ZNF385D: variants seen among roughly 807,000 people sequenced by gnomAD.
ZNF385D encodes zinc finger protein 385D.
A neutral mutation model predicts 35.8 loss-of-function variants in ZNF385D; 15 were observed. That is an observed-to-expected ratio of 0.42 (90% confidence interval 0.28 to 0.64). The LOEUF is 0.64. ZNF385D is among the 30% of genes least tolerant of loss of function. ZNF385D has a pLI of 0.23. For missense variants in ZNF385D, 474 were observed against 494.6 expected, an observed-to-expected ratio of 0.96 and a Z score of 0.39; for synonymous variants, 212 against 186.8, an observed-to-expected ratio of 1.13 and a Z score of -1.10.
chr3:21,754,452 T>G (rs988855815), upstream of ZNF385D, among the ~76,000 whole-genome samples: 1 of 152,162 alleles, frequency 6.6e-6, no homozygotes, highest in Non-Finnish European at 1.5e-5. Context: ...CTAGCACTAT[T>G]AAAACAAAGG....
intron 1 of ZNF385D, 65 bp downstream of exon 1, chr3:21,750,830 G>A (rs1326187100): frequency 6.9e-6 from 11 of 1,603,910 alleles, no homozygotes; most frequent in Non-Finnish European, 9.4e-6. Context: ...AATTTTTTAA[G>A]GGCTTGTCTG....
In ZNF385D at chr3:21,425,578, T is replaced by C; in HGVS notation, c.766A>G (p.Asn256Asp). 1 of 1,611,848 alleles carries C rather than the reference T, an allele frequency of 6.2e-7. No individual in the cohort carries two copies. The highest frequency in any genetic ancestry group is 8.5e-7 in the Non-Finnish European group (1 of 1,178,948). ...TTTTGGAGGCCTGTGTTTCCTTTAT[T>C]AACAGGTCCTTTGCCTTTCACTCCT... The part of the protein sequence containing the change: ...RAGVKGKGPV[N>D]KGNTGLQNKT... The change falls in exon 6 of 8, where the codon AAT becomes GAT. Residue 256 changes from asparagine (N) to aspartate (D), a missense_variant. Asn to Asp is a conservative substitution (Grantham distance 23). Transcript: ENST00000281523.
intron 3 of ZNF385D, among the ~76,000 whole-genome samples, chr3:22,132,069 C>T (rs888600665): frequency 1.3e-5 from 2 of 152,022 alleles, no homozygotes; most frequent in Non-Finnish European, 2.9e-5. Flanking sequence ...GAGGAAAAAA[C>T]GTTTAGGGTA....
chr3:22,013,812 A>G (rs1286592269), intron 3 of ZNF385D, among the ~76,000 whole-genome samples: 2 of 152,166 alleles, frequency 1.3e-5, no homozygotes, highest in Admixed American at 1.3e-4. Context: ...ACTCATTCTC[A>G]GAGCACAAGT....
chr3:22,126,391 T>C lies in ZNF385D; in HGVS notation c.325+42426A>G, dbSNP rs546376259. On this transcript the variant is annotated intron_variant, in intron 3 of 5. Coordinates refer to the ZNF385D transcript ENST00000494108. ...TTCCTCTTACTAAGGTTTGGGTATGTTGTGTTTCCATTTTCATTTACCTCA... is the reference window on the plus strand; with the variant it reads ...TTCCTCTTACTAAGGTTTGGGTATGCTGTGTTTCCATTTTCATTTACCTCA... Among the ~76,000 whole-genome samples the C allele has an allele frequency of 4.0e-5, 6 of 151,376 alleles. No homozygotes were observed. In the South Asian group the frequency reaches 1.0e-3, roughly 26 times the overall value.
chr3:21,711,623 T>G (rs1354694439), intron 1 of ZNF385D, among the ~76,000 whole-genome samples: 1 of 152,106 alleles, frequency 6.6e-6, no homozygotes, highest in East Asian at 1.9e-4. Flanking sequence ...CCATCTCCCA[T>G]CCCCAAAAAC....
chr3:21,685,756 G>C (rs2067083091), intron 1 of ZNF385D, among the ~76,000 whole-genome samples: 1 of 152,166 alleles, frequency 6.6e-6, no homozygotes, highest in Admixed American at 6.5e-5. Flanking sequence ...AAAAATCTTT[G>C]TATGGAGCAA....
chr3:22,144,572 C>CA (rs10536394), intron 3 of ZNF385D, among the ~76,000 whole-genome samples: 24 of 67,578 alleles, frequency 3.6e-4, no homozygotes, highest in East Asian at 1.6e-3. Flanking sequence ...GACTCCATTT[C>CA]AAAAAAAAAA....
intron 3 of ZNF385D, among the ~76,000 whole-genome samples, chr3:21,863,125 A>G (rs1172948430): frequency 6.6e-6 from 1 of 152,200 alleles, no homozygotes; most frequent in Non-Finnish European, 1.5e-5. Flanking sequence ...GTAGCATAAA[A>G]TCATGTTGGT....
At chr3:22,112,448 G>C (rs908685241) in intron 3 of ZNF385D, among the ~76,000 whole-genome samples, 3 of 152,034 alleles carry the variant, frequency 2.0e-5, no homozygotes, top group Admixed American at 2.0e-4. Context: ...ACAGCGGTGG[G>C]TGACAGCATT....
chr3:22,278,650 A>T (rs1375829258), intron 2 of ZNF385D, among the ~76,000 whole-genome samples: 1 of 152,092 alleles, frequency 6.6e-6, no homozygotes, highest in African/African-American at 2.4e-5. Flanking sequence ...GAAAATTCAA[A>T]TATGTGTCAT....
At chr3:21,463,595 C>G (rs879589110) in intron 4 of ZNF385D, among the ~76,000 whole-genome samples, 2 of 152,070 alleles carry the variant, frequency 1.3e-5, no homozygotes, top group Non-Finnish European at 2.9e-5. Flanking sequence ...AAGACAGGGC[C>G]CTCTAGAATG....
intron 1 of ZNF385D, among the ~76,000 whole-genome samples, chr3:21,694,875 A>G (rs1203713648): frequency 6.6e-6 from 1 of 152,224 alleles, no homozygotes; most frequent in Non-Finnish European, 1.5e-5. Flanking sequence ...GAGAATTTTA[A>G]AAAATAGATG....
chr3:21,754,136 TG>T (rs533280781), upstream of ZNF385D, among the ~76,000 whole-genome samples: 3 of 152,358 alleles, frequency 2.0e-5, no homozygotes, highest in South Asian at 4.1e-4. Context: ...GCAATGAACA[TG>T]GTAGTACACA....
intron 4 of ZNF385D, among the ~76,000 whole-genome samples, chr3:21,438,698 G>A (rs1701701152): frequency 6.6e-6 from 1 of 152,056 alleles, no homozygotes; most frequent in Admixed American, 6.6e-5. Flanking sequence ...TTATCTACCT[G>A]CTAAGATCAT....
rs541722149 is a variant in ZNF385D, at chr3:21,647,864, T to A, written c.165+17022A>T. ...CTTGGCAGAATAAAATAATCATTGA[T>A]CTTTTTTTCATATGAATGTTACTAA... On this transcript the variant is annotated intron_variant, in intron 2 of 7. Transcript: ENST00000281523. 4.6e-5 allele frequency among the ~76,000 whole-genome samples: 7 copies of A among 152,326 alleles called. No individual in the cohort carries two copies. The South Asian group carries it at 8.3e-4, about 18-fold the overall frequency.
chr3:21,442,476 G>A (rs1701910602), intron 4 of ZNF385D, among the ~76,000 whole-genome samples: 1 of 152,064 alleles, frequency 6.6e-6, no homozygotes. Context: ...AGTAGAAAAA[G>A]GTGCTTCTGA....
chr3:21,931,740 T>A (rs1427318138), intron 3 of ZNF385D, among the ~76,000 whole-genome samples: 1 of 152,166 alleles, frequency 6.6e-6, no homozygotes, highest in Non-Finnish European at 1.5e-5. Flanking sequence ...TGGGGGATGA[T>A]AGATGTTCAA....
chr3:22,110,597 A>T (rs1702468646), intron 3 of ZNF385D, among the ~76,000 whole-genome samples: 1 of 149,740 alleles, frequency 6.7e-6, no homozygotes, highest in African/African-American at 2.4e-5. Context: ...ATGAGAACAC[A>T]TGGACACAGG....
Sources: allele counts gnomAD v4.1 joint callset (sites outside exome capture counted in the v4.1 genomes callset), GRCh38; gene constraint gnomAD v4.1.1; transcripts MANE v1.5; gene names NCBI Gene and HGNC (gene_info 2026-07-23, HGNC 2026-07-21).